Variants in CHRM5 observed in about 807,000 individuals in gnomAD.
CHRM5 encodes the protein muscarinic acetylcholine receptor M5.
A neutral mutation model predicts 39.0 loss-of-function variants in CHRM5; 18 were observed. The observed-to-expected ratio is 0.46, with a 90% CI of 0.32 to 0.68. CHRM5 has a LOEUF of 0.68. CHRM5 is among the 30% of genes least tolerant of loss of function. The pLI is 0.04. For missense variants in CHRM5, 515 were observed against 651.1 expected (o/e 0.79, Z 2.28); for synonymous variants, 241 against 246.3 (o/e 0.98, Z 0.20).
chr15:34,020,587 A>G lies in CHRM5; in HGVS notation c.-407-25953A>G, dbSNP rs546176899. Among the ~76,000 whole-genome samples the G allele has an allele frequency of 2.0e-5, 3 of 152,324 alleles. No homozygotes were observed. The East Asian group carries it at 5.8e-4, about 29-fold the overall frequency. On this transcript the variant is annotated intron_variant, in intron 1 of 2. Transcript: ENST00000383263. Reference sequence around the variant, plus strand: ...CCTCACAATTCTGAAATGGATTTCAATTCTCACTGCACTTTCATTAGTACT... The same window carrying G: ...CCTCACAATTCTGAAATGGATTTCAGTTCTCACTGCACTTTCATTAGTACT...
chr15:34,040,221 GATA>G (rs1555519704), intron 1 of CHRM5, among the ~76,000 whole-genome samples: 1 of 151,996 alleles, frequency 6.6e-6, no homozygotes, highest in Non-Finnish European at 1.5e-5. Flanking sequence ...CCACAAGGAA[GATA>G]ATCTAGTCGT....
At chr15:33,983,223 TACACAC>T (rs1555512827) in intron 1 of CHRM5, among the ~76,000 whole-genome samples, 12 of 110,624 alleles carry the variant, frequency 1.1e-4, no homozygotes, top group South Asian at 7.2e-4. Flanking sequence ...TACATATATA[TACACAC>T]ACATACACAC....
chr15:34,044,428 C>T (rs1372496716), intron 1 of CHRM5, among the ~76,000 whole-genome samples: 1 of 152,230 alleles, frequency 6.6e-6, no homozygotes, highest in East Asian at 1.9e-4. Flanking sequence ...GAACAATACA[C>T]TACCCTTAGG....
intron 1 of CHRM5, among the ~76,000 whole-genome samples, chr15:34,029,867 T>C (rs1454888252): frequency 6.6e-6 from 1 of 152,160 alleles, no homozygotes; most frequent in Non-Finnish European, 1.5e-5. Context: ...TTATCAGCCT[T>C]GTAGTAAAAG....
At chr15:34,029,662 C>CAAGGGAA (rs1597370347) in intron 1 of CHRM5, among the ~76,000 whole-genome samples, 1 of 151,770 alleles carries the variant, frequency 6.6e-6, no homozygotes, top group East Asian at 1.9e-4. Flanking sequence ...TGAAGGACAC[C>CAAGGGAA]AAGGGAAAAT....
intron 2 of CHRM5, among the ~76,000 whole-genome samples, chr15:34,062,303 C>A (rs1900360083): frequency 1.3e-5 from 2 of 152,248 alleles, no homozygotes; most frequent in Non-Finnish European, 2.9e-5. Context: ...CGCCTGTAAT[C>A]CCAGCACTTT....
intron 1 of CHRM5, among the ~76,000 whole-genome samples, chr15:34,039,908 C>T (rs1190045842): frequency 6.6e-6 from 1 of 152,098 alleles, no homozygotes; most frequent in African/African-American, 2.4e-5. Context: ...CACTCCAGTC[C>T]CTTCTTTCAA....
At chr15:33,986,265 C>A (rs1412027049) in intron 1 of CHRM5, among the ~76,000 whole-genome samples, 1 of 151,972 alleles carries the variant, frequency 6.6e-6, no homozygotes, top group Non-Finnish European at 1.5e-5. Flanking sequence ...TGCCACCACG[C>A]CTGGCTAATT....
chr15:34,002,907 T>C (rs1897192075), intron 1 of CHRM5: 1 of 936,932 alleles, frequency 1.1e-6, no homozygotes, highest in Non-Finnish European at 1.6e-6. Flanking sequence ...GTCCTTTACT[T>C]GAATTAAAAA....
At chr15:34,000,353 G>A (rs2140614191) in intron 1 of CHRM5, among the ~76,000 whole-genome samples, 1 of 152,116 alleles carries the variant, frequency 6.6e-6, no homozygotes, top group Non-Finnish European at 1.5e-5. Flanking sequence ...TGGAACAATG[G>A]GTACTTAAAT....
At chr15:34,005,677 T>C (rs1326384273) in intron 1 of CHRM5, among the ~76,000 whole-genome samples, 2 of 152,204 alleles carry the variant, frequency 1.3e-5, no homozygotes, top group African/African-American at 4.8e-5. Flanking sequence ...TCGAGGAAAT[T>C]GTTTGTGCAG....
At chr15:33,984,637 G>A (rs1258901139) in intron 1 of CHRM5, among the ~76,000 whole-genome samples, 2 of 152,192 alleles carry the variant, frequency 1.3e-5, no homozygotes, top group African/African-American at 4.8e-5. Context: ...CCTGACCTCA[G>A]GTGATCCACC....
At chr15:33,987,296 T>C (rs911377087) in intron 1 of CHRM5, among the ~76,000 whole-genome samples, 1 of 148,006 alleles carries the variant, frequency 6.8e-6, no homozygotes, top group Non-Finnish European at 1.5e-5. Flanking sequence ...CATTTGAAGG[T>C]TTTTTCATTT....
intron 1 of CHRM5, among the ~76,000 whole-genome samples, chr15:33,998,782 C>T (rs1897031235): frequency 6.6e-6 from 1 of 152,210 alleles, no homozygotes. Flanking sequence ...GTTCTTTCTT[C>T]TACCACTCAT....
chr15:34,021,542 A>AT (rs1048520745), intron 1 of CHRM5, among the ~76,000 whole-genome samples: 3 of 151,922 alleles, frequency 2.0e-5, no homozygotes, highest in African/African-American at 7.3e-5. Context: ...CGCCTGGCTT[A>AT]TTTTCTGTAT....
chr15:34,008,954 GCA>G (rs57211791), intron 1 of CHRM5, among the ~76,000 whole-genome samples: 3 of 103,112 alleles, frequency 2.9e-5, no homozygotes, highest in African/African-American at 7.8e-5. Flanking sequence ...GTGCGCGCGC[GCA>G]CACACACACA....
At chr15:34,037,077 C>G (rs1465017638) in intron 1 of CHRM5, among the ~76,000 whole-genome samples, 1 of 151,162 alleles carries the variant, frequency 6.6e-6, no homozygotes, top group Non-Finnish European at 1.5e-5. Context: ...CCATTGCACT[C>G]CAGCCTGGGC....
intron 1 of CHRM5, among the ~76,000 whole-genome samples, chr15:33,981,891 G>C (rs1161265405): frequency 1.3e-5 from 2 of 152,102 alleles, no homozygotes; most frequent in African/African-American, 4.8e-5. Flanking sequence ...CTGGAGTGCA[G>C]TGGCGCGATC....
intron 1 of CHRM5, among the ~76,000 whole-genome samples, chr15:33,986,107 TTTTG>T (rs200514770): frequency 0.93 from 140,039 of 150,272 alleles, 65,842 homozygotes; most frequent in Non-Finnish European, 1. Flanking sequence ...TTTTTTTGTT[TTTTG>T]TTTTTTGTTT....
Sources: allele counts gnomAD v4.1 joint callset (sites outside exome capture counted in the v4.1 genomes callset), GRCh38; gene constraint gnomAD v4.1.1; transcripts MANE v1.5; gene names NCBI Gene and HGNC (gene_info 2026-07-23, HGNC 2026-07-21).